Variants in PCDH9 observed in about 807,000 individuals in gnomAD.
The protein encoded by PCDH9 is protocadherin 9, also known as protocadherin-9.
Under a neutral mutation model 70.6 loss-of-function variants are expected in PCDH9, and 24 were observed. The observed-to-expected ratio is 0.34, with a 90% CI of 0.25 to 0.48. The LOEUF is 0.48. Ranked by LOEUF, PCDH9 falls within the 20% of genes least tolerant of loss-of-function variation. The probability of loss-of-function intolerance (pLI) is 0.99; values close to 1 mark genes in which losing one functional copy is unlikely to be tolerated. For missense variants in PCDH9, 1,281 were observed against 1,503.6 expected (o/e 0.85, Z 2.45); for synonymous variants, 562 against 558.5 (o/e 1.01, Z -0.09).
chr13:66,588,340 T>C (rs187422488), intron 4 of PCDH9, among the ~76,000 whole-genome samples: 32 of 152,136 alleles, frequency 2.1e-4, no homozygotes, highest in Middle Eastern at 3.4e-3. Flanking sequence ...TTAAGACCAT[T>C]GTATCCTTAG....
chr13:67,023,798 TAAAAAC>T (rs2084726471), intron 2 of PCDH9, among the ~76,000 whole-genome samples: 1 of 152,054 alleles, frequency 6.6e-6, no homozygotes, highest in Non-Finnish European at 1.5e-5. Context: ...GGGAAACACT[TAAAAAC>T]AAAGTAAGTT....
intron 4 of PCDH9, among the ~76,000 whole-genome samples, chr13:66,473,974 G>C (rs764516232): frequency 4.6e-5 from 7 of 152,070 alleles, no homozygotes; most frequent in Non-Finnish European, 8.8e-5. Context: ...TATGTGTATA[G>C]CAACAATAAA....
intron 3 of PCDH9, among the ~76,000 whole-genome samples, chr13:66,795,698 T>C (rs1204008634): frequency 6.6e-6 from 1 of 152,146 alleles, no homozygotes; most frequent in Non-Finnish European, 1.5e-5. Flanking sequence ...CCAATCAAAC[T>C]AATAAAAATG....
intron 3 of PCDH9, among the ~76,000 whole-genome samples, chr13:66,721,526 C>A (rs991402504): frequency 6.6e-6 from 1 of 151,934 alleles, no homozygotes; most frequent in Non-Finnish European, 1.5e-5. Context: ...TATGTCTGAG[C>A]GTGGATATTT....
chr13:66,966,447 T>C (rs2083435989), intron 2 of PCDH9, among the ~76,000 whole-genome samples: 1 of 152,136 alleles, frequency 6.6e-6, no homozygotes, highest in African/African-American at 2.4e-5. Flanking sequence ...CTACTCTGTA[T>C]GGCGTCTGTA....
At chr13:66,770,043 G>A (rs1167241864) in intron 3 of PCDH9, among the ~76,000 whole-genome samples, 1 of 152,056 alleles carries the variant, frequency 6.6e-6, no homozygotes, top group African/African-American at 2.4e-5. Context: ...GTATGGAAGT[G>A]GAAAATTGAG....
intron 4 of PCDH9, among the ~76,000 whole-genome samples, chr13:66,454,505 G>C (rs1958278215): frequency 6.6e-6 from 1 of 152,144 alleles, no homozygotes; most frequent in Admixed American, 6.5e-5. Context: ...GAGAGAACTA[G>C]CCTCTCTTTC....
chr13:67,147,740 A>G (rs1295601271), intron 2 of PCDH9, among the ~76,000 whole-genome samples: 2 of 152,198 alleles, frequency 1.3e-5, no homozygotes, highest in Non-Finnish European at 2.9e-5. Flanking sequence ...GGACACATTT[A>G]CAATGTCCAC....
intron 2 of PCDH9, among the ~76,000 whole-genome samples, chr13:67,070,147 G>GT (rs1160701302): frequency 6.6e-6 from 1 of 151,256 alleles, no homozygotes; most frequent in East Asian, 1.9e-4. Context: ...TACATTTAGA[G>GT]TTTTTTTAAT....
intron 2 of PCDH9, chr13:67,212,413 A>C (rs1232295613): frequency 1.3e-5 from 2 of 152,148 alleles, no homozygotes; most frequent in Non-Finnish European, 2.9e-5. Flanking sequence ...ATTTAATGGA[A>C]TATTTTAAAC....
intron 3 of PCDH9, among the ~76,000 whole-genome samples, chr13:66,816,998 T>TA (rs1350594404): frequency 4.5e-4 from 64 of 140,748 alleles, no homozygotes; most frequent in Non-Finnish European, 7.6e-4. Context: ...TTGAAAATAT[T>TA]TAAAAAAAAA....
At chr13:66,647,063 C>T (rs1226277139) in intron 3 of PCDH9, among the ~76,000 whole-genome samples, 1 of 152,158 alleles carries the variant, frequency 6.6e-6, no homozygotes, top group African/African-American at 2.4e-5. Context: ...CAAGCTTTGC[C>T]ACCAAGACCT....
chr13:66,885,334 T>C (rs17081970), intron 3 of PCDH9, among the ~76,000 whole-genome samples: 6,382 of 152,158 alleles, frequency 0.042, 434 homozygotes, highest in African/African-American at 0.14. Context: ...AAAACATGAG[T>C]GTAGGAGTTA....
chr13:67,219,246 A>G (rs1157476031), intron 2 of PCDH9: 1 of 152,056 alleles, frequency 6.6e-6, no homozygotes, highest in Admixed American at 6.6e-5. Flanking sequence ...ACAGAAGAAA[A>G]GAATATAAAT....
intron 3 of PCDH9, among the ~76,000 whole-genome samples, chr13:66,827,303 T>G (rs1268084186): frequency 1.3e-5 from 2 of 149,442 alleles, no homozygotes; most frequent in Non-Finnish European, 3.0e-5. Flanking sequence ...TTTTAAGCCA[T>G]TAAGTTTGTG....
chr13:66,934,435 G>C (rs2082870721), intron 2 of PCDH9, among the ~76,000 whole-genome samples: 1 of 151,320 alleles, frequency 6.6e-6, no homozygotes, highest in Non-Finnish European at 1.5e-5. Flanking sequence ...CAGCTACTTA[G>C]GAGGCTGAGA....
At chr13:67,198,853 G>A (rs113873060) in intron 2 of PCDH9, among the ~76,000 whole-genome samples, 3 of 151,668 alleles carry the variant, frequency 2.0e-5, no homozygotes, top group Admixed American at 6.6e-5. Flanking sequence ...AGTGGCTATA[G>A]GAGAAATAAT....
intron 4 of PCDH9, among the ~76,000 whole-genome samples, chr13:66,435,171 G>T (rs1957846509): frequency 6.6e-6 from 1 of 152,132 alleles, no homozygotes; most frequent in Non-Finnish European, 1.5e-5. Context: ...TGGAAGAGTT[G>T]TAGATAAAAT....
intron 2 of PCDH9, among the ~76,000 whole-genome samples, chr13:67,185,302 TC>T (rs1329265158): frequency 2.0e-5 from 3 of 152,204 alleles, no homozygotes; most frequent in Non-Finnish European, 4.4e-5. Context: ...TAGTTAAAAA[TC>T]ATCATCAACT....
Sources: gnomAD v4.1 joint callset for allele counts (sites outside exome capture counted in the v4.1 genomes callset) on GRCh38, gnomAD v4.1.1 for gene constraint, MANE v1.5 for transcripts, NCBI Gene and HGNC (gene_info 2026-07-23, HGNC 2026-07-21) for gene names.